The following DPY19L4 variants were observed in gnomAD, a reference collection of about 807,000 sequenced individuals.
DPY19L4 encodes the protein probable C-mannosyltransferase DPY19L4.
In DPY19L4, 97 loss-of-function variants were observed where a neutral mutation model predicts 102.8. The observed-to-expected ratio is 0.94, with a 90% CI of 0.80 to 1.12. The LOEUF is 1.12. DPY19L4 is among the 50% of genes most tolerant of loss of function. DPY19L4 has a pLI of 0.00. For missense variants in DPY19L4, 815 were observed against 850.4 expected, an observed-to-expected ratio of 0.96 and a Z score of 0.52; for synonymous variants, 252 against 283.1, an observed-to-expected ratio of 0.89 and a Z score of 1.10.
chr8:94,779,079 G>A (rs2130925269), intron 14 of DPY19L4, among the ~76,000 whole-genome samples: 1 of 152,198 alleles, frequency 6.6e-6, no homozygotes, highest in East Asian at 1.9e-4. Context: ...TAGTCCTACA[G>A]GCAACAGACT....
intron 17 of DPY19L4, among the ~76,000 whole-genome samples, chr8:94,784,168 A>G (rs899615949): frequency 1.3e-5 from 2 of 149,578 alleles, no homozygotes; most frequent in African/African-American, 4.9e-5. Context: ...TCCTGCCTCC[A>G]AGCGATTCTC....
At chr8:94,769,092 G>C (rs1443674090) in intron 12 of DPY19L4, among the ~76,000 whole-genome samples, 6 of 112,968 alleles carry the variant, frequency 5.3e-5, no homozygotes, top group East Asian at 5.1e-4. Flanking sequence ...ACGGAGTCTT[G>C]CTCTTGTTCC....
intron 6 of DPY19L4, among the ~76,000 whole-genome samples, chr8:94,747,289 G>T (rs996426445): frequency 1.1e-4 from 17 of 152,190 alleles, no homozygotes; most frequent in African/African-American, 4.1e-4. Flanking sequence ...CTGGGCTCAA[G>T]CGATCTGCCT....
intron 16 of DPY19L4, among the ~76,000 whole-genome samples, chr8:94,783,179 G>A (rs1001369531): frequency 6.6e-6 from 1 of 152,194 alleles, no homozygotes; most frequent in Non-Finnish European, 1.5e-5. Flanking sequence ...ATGATTCAGA[G>A]TGGAGGAGTC....
Position 94,756,144 on chromosome 8 carries a change from A to C in DPY19L4, c.720A>C (p.Leu240Phe), listed in dbSNP as rs1192707440. ...AALTGYLKSN[L>F]NTYGERFCYL... ...TTACAGGCTATTTAAAAAGCAACTTAAATACTTATGGAGAGGTAAGATACA... is the reference window on the plus strand; with the variant it reads ...TTACAGGCTATTTAAAAAGCAACTTCAATACTTATGGAGAGGTAAGATACA... Residue 240 changes from leucine to phenylalanine, a missense_variant, in exon 7 of 19, where the codon TTA becomes TTC. Coordinates refer to ENST00000414645, the MANE Select transcript of DPY19L4 (RefSeq NM_181787.3). 2 of 1,613,676 alleles carry C rather than the reference A, an allele frequency of 1.2e-6. No individual in the cohort carries two copies. The highest frequency in any genetic ancestry group is 4.5e-5 in the East Asian group (2 of 44,806).
chr8:94,726,438 A>G lies in DPY19L4; in HGVS notation c.124A>G (p.Lys42Glu), dbSNP rs755250249. ...SDIPIPERAPKHVLFQRFAKI... is the reference protein window; with the variant it reads ...SDIPIPERAPEHVLFQRFAKI... ...CATTCCAATTCCTGAAAGAGCTCCAAAACGTAAGTTAGATAGACTTGGAAT... is the reference window on the plus strand; with the variant it reads ...CATTCCAATTCCTGAAAGAGCTCCAGAACGTAAGTTAGATAGACTTGGAAT... Residue 42 changes from lysine to glutamate, a missense_variant, in exon 2 of 19, where the codon AAA becomes GAA. Transcript: ENST00000414645. The G allele has an allele frequency of 2.5e-6, 4 of 1,605,158 alleles. No individual in the cohort carries two copies. Among genetic ancestry groups the G allele is most frequent in the East Asian group, 4.5e-5 (2 of 44,776 alleles).
At chr8:94,752,856 A>G (rs1464338863) in intron 6 of DPY19L4, among the ~76,000 whole-genome samples, 2 of 151,496 alleles carry the variant, frequency 1.3e-5, no homozygotes, top group South Asian at 2.1e-4. Flanking sequence ...TAATAGAGAC[A>G]GGGTTTCACC....
intron 13 of DPY19L4, among the ~76,000 whole-genome samples, chr8:94,777,223 T>C (rs1813225309): frequency 6.6e-6 from 1 of 151,876 alleles, no homozygotes; most frequent in Non-Finnish European, 1.5e-5. Flanking sequence ...TGTGTCACCA[T>C]GCCTGGCTAA....
chr8:94,725,255 A>G (rs1810637073), intron 1 of DPY19L4, among the ~76,000 whole-genome samples: 1 of 152,218 alleles, frequency 6.6e-6, no homozygotes, highest in Non-Finnish European at 1.5e-5. Flanking sequence ...GAGAAAGATA[A>G]ATTATTGTAT....
rs1554598655 is a variant in DPY19L4 at position 94,783,810 on chromosome 8, AT to A, written c.1848+12del. ...CTCAAGAGAAATGAAAATGTAAGAC[AT>A]TTTAAATTCTACATTTGGATCTCTT... On this transcript the variant is annotated intron_variant, in intron 17 of 18. Coordinates refer to ENST00000414645, the MANE Select transcript of DPY19L4 (RefSeq NM_181787.3). The A allele has an allele frequency of 6.2e-7, 1 of 1,613,718 alleles. No homozygotes were observed. Among genetic ancestry groups the A allele is most frequent in the Non-Finnish European group, 8.5e-7 (1 of 1,179,828 alleles).
At chr8:94,730,343 G>C (rs1448185217) in intron 2 of DPY19L4, among the ~76,000 whole-genome samples, 1 of 152,176 alleles carries the variant, frequency 6.6e-6, no homozygotes, top group African/African-American at 2.4e-5. Context: ...TGTATTTTAA[G>C]AGTTTGAGAC....
intron 4 of DPY19L4, 86 bp from the exon 5 acceptor site, chr8:94,739,324 TAAC>T (rs1172979097): frequency 4.3e-6 from 6 of 1,411,504 alleles, no homozygotes; most frequent in Non-Finnish European, 3.7e-6. Context: ...TCTTTCTTGA[TAAC>T]AATATTAAAT....
chr8:94,720,319 T>A (rs1810403563), intron 1 of DPY19L4: 1 of 943,460 alleles, frequency 1.1e-6, no homozygotes, highest in African/African-American at 1.8e-5. Flanking sequence ...CCTGATCAGA[T>A]TCTTGGTGAA....
At chr8:94,766,770 G>C in intron 11 of DPY19L4, 85 bp downstream of exon 11, 1 of 1,240,672 alleles carries the variant, frequency 8.1e-7, no homozygotes. Context: ...GGGCATAGTG[G>C]CTCACATCTG....
intron 6 of DPY19L4, among the ~76,000 whole-genome samples, chr8:94,755,787 A>T (rs1003002540): frequency 2.0e-5 from 3 of 152,150 alleles, no homozygotes; most frequent in Non-Finnish European, 4.4e-5. Flanking sequence ...CAGGAGGCTG[A>T]GGCAGGAGAA....
chr8:94,786,138 T>TTTG (rs949013250), intron 17 of DPY19L4, among the ~76,000 whole-genome samples: 5 of 152,194 alleles, frequency 3.3e-5, no homozygotes, highest in South Asian at 2.1e-4. Flanking sequence ...AATTTTAATT[T>TTTG]TTGTTGTTGT....
intron 6 of DPY19L4, among the ~76,000 whole-genome samples, chr8:94,743,492 A>AAAT (rs1811536141): frequency 6.6e-6 from 1 of 151,884 alleles, no homozygotes; most frequent in South Asian, 2.1e-4. Flanking sequence ...AAAAAAAAAA[A>AAAT]AAATAGCCAG....
intron 6 of DPY19L4, among the ~76,000 whole-genome samples, chr8:94,743,419 C>T (rs1225178056): frequency 6.6e-6 from 1 of 151,562 alleles, no homozygotes; most frequent in Non-Finnish European, 1.5e-5. Context: ...AGGAGGATCA[C>T]TTGAGACCTG....
chr8:94,770,692 G>A lies in DPY19L4; in HGVS notation c.1454+121G>A, dbSNP rs568747613. ...GCGGGTGGCTCACCTGAGTTCAGGA[G>A]TTTGAGACAGTGTGACTCTGTCAAC... On this transcript the variant is annotated intron_variant, in intron 13 of 18. Coordinates refer to ENST00000414645, the MANE Select transcript of DPY19L4 (RefSeq NM_181787.3). The A allele has an allele frequency of 1.8e-5, 23 of 1,244,048 alleles. 1 individual carries two copies. Among genetic ancestry groups the A allele is most frequent in the Non-Finnish European group, 2.4e-5 (21 of 888,890 alleles). 77.1% of individuals were successfully genotyped at this position (1,244,048 alleles called of 1,614,324 possible). A position where few individuals can be genotyped will look rare whatever the true frequency, so the allele number is the denominator to read the frequency against.
Sources: gnomAD v4.1 joint callset for allele counts (sites outside exome capture counted in the v4.1 genomes callset) on GRCh38, gnomAD v4.1.1 for gene constraint, MANE v1.5 for transcripts, NCBI Gene and HGNC (gene_info 2026-07-23, HGNC 2026-07-21) for gene names.